The following P2RY14 variants were observed in gnomAD, a reference collection of about 807,000 sequenced individuals.
P2RY14 encodes the protein purinergic receptor P2Y14, also known as P2Y purinoceptor 14.
P2RY14 carries 2 observed loss-of-function variants against 0.9 expected under a neutral mutation model. The observed-to-expected ratio is 2.16, with a 90% CI of 0.88 to 6.79. The LOEUF (loss-of-function observed/expected upper bound fraction) is 6.79, where lower values mean the gene tolerates loss of function less well. Ranked by LOEUF, P2RY14 falls within the 30% of genes most tolerant of loss-of-function variation. The pLI is 0.05. For synonymous variants in P2RY14, 158 were observed against 147.2 expected, an observed-to-expected ratio of 1.07 and a Z score of -0.53; for missense variants, 378 against 400.1, an observed-to-expected ratio of 0.94 and a Z score of 0.47.
chr3:151,253,394 A>G (rs1012176600), intron 1 of P2RY14, among the ~76,000 whole-genome samples: 1 of 152,186 alleles, frequency 6.6e-6, no homozygotes, highest in Non-Finnish European at 1.5e-5. Flanking sequence ...ACATTTTAAT[A>G]TGGCTTAGAT....
chr3:151,235,536 T>A (rs1310082468), intron 1 of P2RY14, among the ~76,000 whole-genome samples: 1 of 152,004 alleles, frequency 6.6e-6, no homozygotes, highest in East Asian at 1.9e-4. Flanking sequence ...AAACCCCATC[T>A]CTACTAAAAA....
chr3:151,262,089 T>A (rs1739030200), intron 1 of P2RY14, among the ~76,000 whole-genome samples: 1 of 152,202 alleles, frequency 6.6e-6, no homozygotes, highest in Admixed American at 6.5e-5. Flanking sequence ...ACTACTATTT[T>A]TTAATAGCTT....
chr3:151,254,005 T>C (rs1170385119), intron 1 of P2RY14, among the ~76,000 whole-genome samples: 1 of 151,414 alleles, frequency 6.6e-6, no homozygotes, highest in East Asian at 1.9e-4. Flanking sequence ...TCTTGTTTTT[T>C]TTTTTTGTTA....
chr3:151,247,867 C>T (rs1735979770), intron 1 of P2RY14, among the ~76,000 whole-genome samples: 1 of 151,628 alleles, frequency 6.6e-6, no homozygotes, highest in Non-Finnish European at 1.5e-5. Context: ...AAAAGCTCTG[C>T]CTTCCCTTAG....
At chr3:151,265,358 G>A (rs1231493835) in intron 1 of P2RY14, among the ~76,000 whole-genome samples, 1 of 152,200 alleles carries the variant, frequency 6.6e-6, no homozygotes. Flanking sequence ...CAGCACAGAC[G>A]TGGAATTTCT....
At chr3:151,244,681 G>A (rs970135822) in intron 1 of P2RY14, among the ~76,000 whole-genome samples, 3 of 150,776 alleles carry the variant, frequency 2.0e-5, no homozygotes, top group African/African-American at 7.3e-5. Context: ...ATCCAAAATT[G>A]ACACCCTAAC....
At chr3:151,273,920 T>A (rs1741432690) in intron 1 of P2RY14, among the ~76,000 whole-genome samples, 1 of 152,204 alleles carries the variant, frequency 6.6e-6, no homozygotes, top group African/African-American at 2.4e-5. Flanking sequence ...CTTCACTGTG[T>A]TATGAGGCTA....
chr3:151,228,069 T>C (rs1429595518), intron 1 of P2RY14, among the ~76,000 whole-genome samples: 1 of 152,192 alleles, frequency 6.6e-6, no homozygotes, highest in Non-Finnish European at 1.5e-5. Context: ...AGACCTTAAC[T>C]GTAATTGAAT....
chr3:151,263,149 A>C (rs1244053359), intron 1 of P2RY14, among the ~76,000 whole-genome samples: 1 of 152,166 alleles, frequency 6.6e-6, no homozygotes, highest in Non-Finnish European at 1.5e-5. Flanking sequence ...AGATGGATCA[A>C]CAGCTGAGGA....
At chr3:151,270,158 T>C in intron 1 of P2RY14, 1 of 210,192 alleles carries the variant, frequency 4.8e-6, no homozygotes, top group Non-Finnish European at 9.3e-6. Flanking sequence ...GGTTCCAACC[T>C]TTTTAAAAAT....
chr3:151,253,301 C>G (rs185861604), intron 1 of P2RY14, among the ~76,000 whole-genome samples: 97 of 152,258 alleles, frequency 6.4e-4, no homozygotes, highest in Middle Eastern at 3.4e-3. Flanking sequence ...TTGCACTGTG[C>G]CGGAAACCAT....
intron 1 of P2RY14, among the ~76,000 whole-genome samples, chr3:151,226,825 T>C (rs893141586): frequency 6.6e-6 from 1 of 152,224 alleles, no homozygotes; most frequent in African/African-American, 2.4e-5. Flanking sequence ...CTCAGTTTTC[T>C]ATCTCCTGCG....
At chr3:151,247,841 GAGTCAC>G (rs1184852623) in intron 1 of P2RY14, among the ~76,000 whole-genome samples, 7 of 151,536 alleles carry the variant, frequency 4.6e-5, no homozygotes, top group Non-Finnish European at 1.0e-4. Context: ...TTGTTGACAA[GAGTCAC>G]AGTTTTTAAA....
rs895744068 is a variant in P2RY14, at chr3:151,212,312, C to T, written c.*988G>A. On this transcript the variant is annotated 3_prime_UTR_variant, in exon 3 of 3. Transcript: ENST00000309170. Reference sequence around the variant, plus strand: ...ATGCCATGTCTCCAGAAGTAAAATCCGTCTGTTTTCCAGAAAAATGTGATG... The same window carrying T: ...ATGCCATGTCTCCAGAAGTAAAATCTGTCTGTTTTCCAGAAAAATGTGATG... The T allele has an allele frequency of 3.9e-5, 6 of 152,046 alleles. No individual in the cohort carries two copies. Among genetic ancestry groups the T allele is most frequent in the Non-Finnish European group, 8.8e-5 (6 of 68,002 alleles). The allele number at this position is 152,046 out of a possible 1,614,324, so 9.4% of individuals were successfully genotyped here.
chr3:151,253,995 TC>T (rs1184478017), intron 1 of P2RY14, among the ~76,000 whole-genome samples: 1 of 114,160 alleles, frequency 8.8e-6, no homozygotes, highest in East Asian at 2.2e-4. Flanking sequence ...TTTGATTTTT[TC>T]TTGTTTTTTT....
intron 1 of P2RY14, among the ~76,000 whole-genome samples, chr3:151,220,644 C>T (rs1192047445): frequency 6.6e-6 from 1 of 152,118 alleles, no homozygotes; most frequent in Non-Finnish European, 1.5e-5. Context: ...CGAGAGTTGC[C>T]CTGCACAAGC....
chr3:151,213,703 A>G lies in P2RY14; in HGVS notation c.614T>C (p.Phe205Ser), dbSNP rs1453414068. 1 of 1,614,214 alleles carries G rather than the reference A, an allele frequency of 6.2e-7. No individual in the cohort carries two copies. The highest frequency in any genetic ancestry group is 2.2e-5 in the East Asian group (1 of 44,890). The change falls in exon 3 of 3, where the codon TTC (phenylalanine) becomes TCC (serine). Residue 205 changes from phenylalanine (F) to serine (S), a missense_variant. Transcript: ENST00000309170. Reference sequence around the variant, plus strand: ...GATTTTCTTTGTGATAGCAGTATAGAAAACGATTAACAAAAGAAACACAAT... The same window carrying G: ...GATTTTCTTTGTGATAGCAGTATAGGAAACGATTAACAAAAGAAACACAAT... ...FWIVFLLLIV[F>S]YTAITKKIFK...
At chr3:151,227,777 A>G (rs906815843) in intron 1 of P2RY14, among the ~76,000 whole-genome samples, 3 of 152,202 alleles carry the variant, frequency 2.0e-5, no homozygotes, top group African/African-American at 7.2e-5. Flanking sequence ...TTTTTTGCCT[A>G]TAATGATTGG....
chr3:151,234,048 C>T (rs1312262820), intron 1 of P2RY14, among the ~76,000 whole-genome samples: 2 of 152,238 alleles, frequency 1.3e-5, no homozygotes, highest in African/African-American at 4.8e-5. Flanking sequence ...TGAACATTCA[C>T]TCACTCTGTA....
Sources: gnomAD v4.1 joint callset for allele counts (sites outside exome capture counted in the v4.1 genomes callset) on GRCh38, gnomAD v4.1.1 for gene constraint, MANE v1.5 for transcripts, NCBI Gene and HGNC (gene_info 2026-07-23, HGNC 2026-07-21) for gene names.